TRAPPC10: variants seen among roughly 807,000 people sequenced by gnomAD.
The protein encoded by TRAPPC10 is trafficking protein particle complex subunit 10.
In TRAPPC10, 23 loss-of-function variants were observed where a neutral mutation model predicts 125.5. That is an observed-to-expected ratio of 0.18 (90% CI 0.13 to 0.26). The LOEUF (loss-of-function observed/expected upper bound fraction) is 0.26, where lower values mean the gene tolerates loss of function less well. Ranked by LOEUF, TRAPPC10 falls within the 10% of genes least tolerant of loss-of-function variation. The pLI is 1.00. For synonymous variants in TRAPPC10, 509 were observed against 518.0 expected (o/e 0.98, Z 0.24); for missense variants, 1,123 against 1,308.4 (o/e 0.86, Z 2.19).
intron 1 of TRAPPC10, among the ~76,000 whole-genome samples, chr21:44,029,901 T>G (rs1211243363): frequency 1.3e-5 from 2 of 152,198 alleles, no homozygotes; most frequent in Non-Finnish European, 2.9e-5. Flanking sequence ...CAGGTAGGTT[T>G]TTGTGGGACA....
chr21:44,063,501 C>T lies in TRAPPC10; in HGVS notation c.791-37C>T, dbSNP rs745722481. 2 of 1,604,768 alleles carry T rather than the reference C, an allele frequency of 1.2e-6. No homozygotes were observed. On this transcript the variant is annotated intron_variant, in intron 6 of 22. Coordinates refer to ENST00000291574, the MANE Select transcript of TRAPPC10 (RefSeq NM_003274.5). This position sits in a 1 kb window ranked among gnomAD's most constrained non-coding sequence, Gnocchi z 4.4. ...CAGGAAGCTCAGGAAGGTGAAGTAC[C>T]TGCAATCAGCACCTTTCATGATGTG...
intron 1 of TRAPPC10, among the ~76,000 whole-genome samples, chr21:44,016,247 A>G (rs2031827865): frequency 1.3e-5 from 2 of 152,220 alleles, no homozygotes; most frequent in South Asian, 4.1e-4. Flanking sequence ...TTTTTCAGCC[A>G]CAGGGTCAGT....
At chr21:44,020,097 G>T (rs1035852009) in intron 1 of TRAPPC10, among the ~76,000 whole-genome samples, 2 of 149,934 alleles carry the variant, frequency 1.3e-5, no homozygotes, top group Admixed American at 1.3e-4. Context: ...CCATTCCATT[G>T]TATGTTTGGA....
intron 7 of TRAPPC10, among the ~76,000 whole-genome samples, chr21:44,064,358 G>C (rs2036284944): frequency 6.6e-6 from 1 of 151,610 alleles, no homozygotes; most frequent in Non-Finnish European, 1.5e-5. Context: ...AATGTAGTTA[G>C]TAAAACATTT....
rs1314746796 is a variant in TRAPPC10 at position 44,082,076 on chromosome 21, T to C, written c.1724-712T>C. The stretch of plus-strand genomic sequence containing the variant: ...TTGGTATCTCTATACGAATAAAATA[T>C]TCCACAATCGTTTACTGTTTCTCAT... On this transcript the variant is annotated intron_variant, in intron 13 of 22. Coordinates refer to ENST00000291574, the MANE Select transcript of TRAPPC10 (RefSeq NM_003274.5). This position sits in a 1 kb window ranked among gnomAD's most constrained non-coding sequence, Gnocchi z 4.4. Among the ~76,000 whole-genome samples the C allele has an allele frequency of 6.6e-6, 1 of 152,238 alleles. No homozygotes were observed. The highest frequency in any genetic ancestry group is 2.4e-5 in the African/African-American group (1 of 41,472).
At chr21:44,035,718 A>G (rs13047214) in intron 2 of TRAPPC10, among the ~76,000 whole-genome samples, 21,405 of 152,170 alleles carry the variant, frequency 0.14, 1,710 homozygotes, top group South Asian at 0.25. Flanking sequence ...AGGAGATTGC[A>G]GTGAGCCAAG....
chr21:44,026,803 TG>T (rs1341212822), intron 1 of TRAPPC10, among the ~76,000 whole-genome samples: 1 of 152,192 alleles, frequency 6.6e-6, no homozygotes, highest in East Asian at 1.9e-4. Flanking sequence ...ACCCAGCCCA[TG>T]GTTGAGGCCC....
intron 1 of TRAPPC10, among the ~76,000 whole-genome samples, chr21:44,016,559 C>T (rs1209202066): frequency 1.3e-5 from 2 of 152,158 alleles, no homozygotes; most frequent in Non-Finnish European, 2.9e-5. Context: ...ATATTAGAAA[C>T]TTTTAAAGGG....
chr21:44,078,267 G>A (rs568910794), intron 11 of TRAPPC10, among the ~76,000 whole-genome samples: 32 of 152,206 alleles, frequency 2.1e-4, no homozygotes, highest in African/African-American at 7.0e-4. Context: ...TTCCATTCCA[G>A]CTCCAGCTTT....
chr21:44,088,054 G>A, intron 17 of TRAPPC10, 126 bp downstream of exon 17: 1 of 788,770 alleles, frequency 1.3e-6, no homozygotes. Flanking sequence ...CCCTGGGCAT[G>A]TGTTTAGCAG....
chr21:44,016,408 A>G (rs941238061), intron 1 of TRAPPC10, among the ~76,000 whole-genome samples: 2 of 152,186 alleles, frequency 1.3e-5, no homozygotes, highest in African/African-American at 2.4e-5. Flanking sequence ...CATACCTACA[A>G]TAGCACATAC....
chr21:44,017,865 TG>T, intron 1 of TRAPPC10, among the ~76,000 whole-genome samples: 1 of 152,280 alleles, frequency 6.6e-6, no homozygotes, highest in African/African-American at 2.4e-5. Context: ...GTGAATACCT[TG>T]TGTGGGGTTC....
At chr21:44,052,202 C>A (rs2035278965) in intron 3 of TRAPPC10, 78 bp from the exon 4 acceptor site, 1 of 1,253,682 alleles carries the variant, frequency 8.0e-7, no homozygotes, top group Non-Finnish European at 1.1e-6. Flanking sequence ...CCTTTGCAGG[C>A]TGTTATTAGG....
intron 1 of TRAPPC10, among the ~76,000 whole-genome samples, chr21:44,016,975 G>A (rs1299740187): frequency 6.6e-6 from 1 of 152,180 alleles, no homozygotes; most frequent in Non-Finnish European, 1.5e-5. Flanking sequence ...TTTTAAATTT[G>A]CACATTGAAA....
chr21:44,041,090 A>G (rs1372348294), intron 3 of TRAPPC10, among the ~76,000 whole-genome samples: 2 of 151,980 alleles, frequency 1.3e-5, no homozygotes, highest in African/African-American at 4.8e-5. Flanking sequence ...TGCTCTTTTT[A>G]TGAGGTTTTG....
chr21:44,048,077 T>C (rs900458173), intron 3 of TRAPPC10, among the ~76,000 whole-genome samples: 2 of 152,222 alleles, frequency 1.3e-5, no homozygotes, highest in Non-Finnish European at 2.9e-5. Context: ...TTCCCTGCCC[T>C]GTGTGACTGC....
chr21:44,072,754 G>A (rs1601752742), intron 7 of TRAPPC10, among the ~76,000 whole-genome samples: 1 of 152,302 alleles, frequency 6.6e-6, no homozygotes, highest in Non-Finnish European at 1.5e-5. Context: ...GTGAGCCACC[G>A]CGCCCGGCCT....
At chr21:44,025,866 G>A (rs928357496) in intron 1 of TRAPPC10, among the ~76,000 whole-genome samples, 3 of 144,480 alleles carry the variant, frequency 2.1e-5, no homozygotes, top group Non-Finnish European at 3.0e-5. Context: ...GTGTGTGTGT[G>A]TGTGTGTGTG....
chr21:44,075,239 C>G, intron 9 of TRAPPC10, 86 bp downstream of exon 9: 2 of 977,254 alleles, frequency 2.0e-6, no homozygotes, highest in Non-Finnish European at 3.2e-6. Flanking sequence ...AACCGAAGTT[C>G]TAAGAGTAAT....
Sources: allele counts gnomAD v4.1 joint callset (sites outside exome capture counted in the v4.1 genomes callset), GRCh38; gene constraint gnomAD v4.1.1; non-coding constraint Gnocchi (gnomAD v3.1); transcripts MANE v1.5; gene names NCBI Gene and HGNC (gene_info 2026-07-23, HGNC 2026-07-21).